The following COG5 variants were observed in gnomAD, a reference collection of about 807,000 sequenced individuals.
The protein encoded by COG5 is component of oligomeric golgi complex 5.
In COG5, 86 loss-of-function variants were observed where a neutral mutation model predicts 110.4. The ratio of observed to expected loss-of-function variants is 0.78; its 90% CI spans 0.65 to 0.93. The LOEUF (loss-of-function observed/expected upper bound fraction) is 0.93. Among genes scored for constraint, COG5 ranks in the 40% least tolerant of loss-of-function variants. COG5 has a pLI of 0.00. For missense variants in COG5, 1,077 were observed against 987.0 expected (o/e 1.09, Z -1.22); for synonymous variants, 360 against 334.6 (o/e 1.08, Z -0.83).
chr7:107,280,167 T>G (rs900690505), intron 14 of COG5, among the ~76,000 whole-genome samples: 1 of 152,056 alleles, frequency 6.6e-6, no homozygotes, highest in Admixed American at 6.5e-5. Flanking sequence ...AGAGAAAAAT[T>G]AGTAATCTAA....
At chr7:107,379,030 G>T (rs1370040283) in intron 7 of COG5, among the ~76,000 whole-genome samples, 2 of 152,130 alleles carry the variant, frequency 1.3e-5, no homozygotes, top group African/African-American at 2.4e-5. Context: ...AGAAAGGTCG[G>T]GTTACCCACA....
At chr7:107,225,909 G>A (rs1267106750) in intron 19 of COG5, among the ~76,000 whole-genome samples, 1 of 152,162 alleles carries the variant, frequency 6.6e-6, no homozygotes, top group East Asian at 1.9e-4. Flanking sequence ...CGGGCATGGT[G>A]GCAGGGGCCT....
intron 5 of COG5, among the ~76,000 whole-genome samples, chr7:107,531,670 CT>C (rs111284238): frequency 0.17 from 23,742 of 136,880 alleles, 1,949 homozygotes; most frequent in African/African-American, 0.19. Context: ...TGGGGTTTTG[CT>C]TTTTTTTTTT....
chr7:107,255,613 T>C (rs1357496527), intron 16 of COG5, among the ~76,000 whole-genome samples: 1 of 152,132 alleles, frequency 6.6e-6, no homozygotes, highest in Non-Finnish European at 1.5e-5. Context: ...ACTTGTAGAC[T>C]TTCATCTCAA....
At chr7:107,279,851 G>A (rs1383936615) in intron 14 of COG5, among the ~76,000 whole-genome samples, 3 of 152,186 alleles carry the variant, frequency 2.0e-5, no homozygotes, top group Admixed American at 1.3e-4. Flanking sequence ...GTAATTTACA[G>A]CCACTGACAA....
chr7:107,518,018 T>C (rs1800060895), intron 6 of COG5, among the ~76,000 whole-genome samples: 1 of 152,032 alleles, frequency 6.6e-6, no homozygotes, highest in Non-Finnish European at 1.5e-5. Flanking sequence ...AAGAGAAGAA[T>C]TTTCAACCCA....
rs1358029436 is a variant in COG5 at position 107,412,588 on chromosome 7, C to T, written c.583G>A (p.Glu195Lys). Residue 195 changes from glutamate to lysine, a missense_variant, in exon 7 of 22, where the codon GAA becomes AAA. Coordinates refer to ENST00000297135, the MANE Select transcript of COG5 (RefSeq NM_006348.5). ...CTTGCAATAAAAAGTAGATCATTTT[C>T]TATCACTTCTATTCCAGAAAGATCT... ...GIDLSGIEVI[E>K]NDLLFIARAR... The T allele has an allele frequency of 3.8e-6, 6 of 1,584,300 alleles. No homozygotes were observed. Among genetic ancestry groups the T allele is most frequent in the Admixed American group, 1.7e-5 (1 of 59,922 alleles).
At chr7:107,324,049 A>G (rs1023871873) in intron 11 of COG5, among the ~76,000 whole-genome samples, 1 of 152,214 alleles carries the variant, frequency 6.6e-6, no homozygotes, top group Non-Finnish European at 1.5e-5. Context: ...TAACAATAAA[A>G]AATTTGCAAA....
chr7:107,512,715 C>A (rs1353993961), intron 6 of COG5, among the ~76,000 whole-genome samples: 1 of 152,166 alleles, frequency 6.6e-6, no homozygotes, highest in East Asian at 1.9e-4. Flanking sequence ...ACCAATGGAA[C>A]AGAACAGAGC....
At chr7:107,285,670 G>A (rs1805569851) in intron 12 of COG5, among the ~76,000 whole-genome samples, 1 of 151,732 alleles carries the variant, frequency 6.6e-6, no homozygotes. Flanking sequence ...TATTTCCTAG[G>A]TGCAGAAATA....
At chr7:107,297,896 T>G (rs1005244071) in intron 12 of COG5, among the ~76,000 whole-genome samples, 1 of 152,142 alleles carries the variant, frequency 6.6e-6, no homozygotes, top group African/African-American at 2.4e-5. Flanking sequence ...TAGCTTCTCA[T>G]CATCCTACTT....
At chr7:107,384,313 G>C (rs1003575773) in intron 7 of COG5, among the ~76,000 whole-genome samples, 12 of 152,090 alleles carry the variant, frequency 7.9e-5, no homozygotes, top group South Asian at 4.1e-4. Context: ...TTCTTTAGAG[G>C]GGGGAATGAA....
At chr7:107,425,989 G>C (rs955963510) in intron 6 of COG5, among the ~76,000 whole-genome samples, 2 of 152,090 alleles carry the variant, frequency 1.3e-5, no homozygotes, top group Non-Finnish European at 2.9e-5. Context: ...CAGAGACGGG[G>C]GTAAAGTTTC....
chr7:107,417,502 A>G (rs1435599777), intron 6 of COG5, among the ~76,000 whole-genome samples: 2 of 152,168 alleles, frequency 1.3e-5, no homozygotes, highest in African/African-American at 4.8e-5. Context: ...GTTATCATAA[A>G]TGACTACTTT....
chr7:107,318,237 A>G (rs1808936275), intron 11 of COG5, among the ~76,000 whole-genome samples: 1 of 152,176 alleles, frequency 6.6e-6, no homozygotes, highest in Admixed American at 6.5e-5. Flanking sequence ...CATGTTGGCC[A>G]GGATGGTCTC....
At chr7:107,313,864 A>AT (rs1479954720) in intron 11 of COG5, among the ~76,000 whole-genome samples, 4 of 152,166 alleles carry the variant, frequency 2.6e-5, no homozygotes, top group Admixed American at 2.6e-4. Context: ...GATTCTGGAG[A>AT]TTAGGCCATG....
chr7:107,500,328 TC>T (rs969567353), intron 6 of COG5, among the ~76,000 whole-genome samples: 2 of 152,186 alleles, frequency 1.3e-5, no homozygotes, highest in Non-Finnish European at 2.9e-5. Flanking sequence ...CAACTGAACT[TC>T]CAGAGCCCTA....
intron 14 of COG5, among the ~76,000 whole-genome samples, chr7:107,280,597 A>G (rs1805087309): frequency 6.6e-6 from 1 of 151,968 alleles, no homozygotes; most frequent in East Asian, 1.9e-4. Flanking sequence ...TAAAATTAGT[A>G]TATCAATAAT....
intron 19 of COG5, among the ~76,000 whole-genome samples, chr7:107,218,871 C>T (rs1312203555): frequency 1.3e-5 from 2 of 151,870 alleles, no homozygotes; most frequent in Non-Finnish European, 1.5e-5. Flanking sequence ...AATGGGATTA[C>T]ATTAAAGTAA....
Sources: gnomAD v4.1 joint callset for allele counts (sites outside exome capture counted in the v4.1 genomes callset) on GRCh38, gnomAD v4.1.1 for gene constraint, MANE v1.5 for transcripts, NCBI Gene and HGNC (gene_info 2026-07-23, HGNC 2026-07-21) for gene names.